The following MTHFD1 variants were observed in gnomAD, a reference collection of about 807,000 sequenced individuals.
MTHFD1 encodes the protein C-1-tetrahydrofolate synthase, cytoplasmic.
MTHFD1 carries 44 observed loss-of-function variants against 110.3 expected under a neutral mutation model. That is an observed-to-expected ratio of 0.40 (90% confidence interval 0.31 to 0.51). The LOEUF is 0.51. Ranked by LOEUF, MTHFD1 falls within the 20% of genes least tolerant of loss-of-function variation. MTHFD1 has a pLI of 0.60. For synonymous variants in MTHFD1, 402 were observed against 428.8 expected, an observed-to-expected ratio of 0.94 and a Z score of 0.77; for missense variants, 909 against 1,173.1, an observed-to-expected ratio of 0.77 and a Z score of 3.29.
intron 1 of MTHFD1, among the ~76,000 whole-genome samples, chr14:64,397,913 A>G (rs2077870181): frequency 6.6e-6 from 1 of 152,214 alleles, no homozygotes; most frequent in Admixed American, 6.5e-5. Context: ...AATATTTTAA[A>G]TTCAGCCATG....
intron 22 of MTHFD1, among the ~76,000 whole-genome samples, chr14:64,445,629 A>G (rs998691085): frequency 3.3e-5 from 5 of 152,270 alleles, no homozygotes; most frequent in East Asian, 1.9e-4. Flanking sequence ...GCTAGAAAAA[A>G]TTGCTGGTAC....
intron 24 of MTHFD1, among the ~76,000 whole-genome samples, chr14:64,452,513 G>A (rs961916576): frequency 6.6e-6 from 1 of 152,200 alleles, no homozygotes; most frequent in Non-Finnish European, 1.5e-5. Context: ...TTCTCTGAAG[G>A]CTTTGCCCCG....
intron 21 of MTHFD1, among the ~76,000 whole-genome samples, chr14:64,442,693 A>G (rs2078258314): frequency 6.6e-6 from 1 of 152,138 alleles, no homozygotes; most frequent in Non-Finnish European, 1.5e-5. Flanking sequence ...CCCCACAAAA[A>G]ACTGTTTTAC....
intron 3 of MTHFD1, among the ~76,000 whole-genome samples, chr14:64,412,259 TC>T (rs1161826427): frequency 1.3e-5 from 2 of 152,142 alleles, no homozygotes; most frequent in African/African-American, 4.8e-5. Flanking sequence ...ATTTCCTTTC[TC>T]AAGAAATAGC....
In MTHFD1 at chr14:64,388,557, G is replaced by A. The variant is rs2077781524; in HGVS notation, c.41+89G>A. The A allele has an allele frequency of 1.6e-5, 19 of 1,219,310 alleles. No homozygotes were observed. In the South Asian group the frequency reaches 2.2e-4, roughly 14 times the overall value. 75.5% of individuals were successfully genotyped at this position (1,219,310 alleles called of 1,614,324 possible). On this transcript the variant is annotated intron_variant, in intron 1 of 27. Transcript: ENST00000652337. ...CCCCCGGACCCATTTTTTGCGGGAGGGACACTTGTAGCGGAAGAGTTAGGC... is the reference window on the plus strand; with the variant it reads ...CCCCCGGACCCATTTTTTGCGGGAGAGACACTTGTAGCGGAAGAGTTAGGC...
At chr14:64,452,127 C>T (rs1167310125) in intron 24 of MTHFD1, among the ~76,000 whole-genome samples, 1 of 152,154 alleles carries the variant, frequency 6.6e-6, no homozygotes, top group Non-Finnish European at 1.5e-5. Context: ...GAAACTCCGT[C>T]TCTACTAAAA....
chr14:64,392,195 T>TA (rs2077811624), intron 1 of MTHFD1, among the ~76,000 whole-genome samples: 1 of 152,212 alleles, frequency 6.6e-6, no homozygotes, highest in Non-Finnish European at 1.5e-5. Flanking sequence ...GTTACTAACT[T>TA]ACTGCTTTGG....
Position 64,460,007 on chromosome 14 carries a change from C to A in MTHFD1, c.*253C>A. On this transcript the variant is annotated 3_prime_UTR_variant, in exon 28 of 28. Transcript: ENST00000652337. The stretch of plus-strand genomic sequence containing the variant: ...GAATAAAAGGAAACAAGTTTGCCAT[C>A]TTGGTGTTGCAATATGAATTACAGC... 1 of 1,273,868 alleles carries A rather than the reference C, an allele frequency of 7.9e-7. No individual in the cohort carries two copies. The highest frequency in any genetic ancestry group is 1.1e-6 in the Non-Finnish European group (1 of 924,592). The allele number at this position is 1,273,868 out of a possible 1,614,324, so 78.9% of individuals were successfully genotyped here.
In MTHFD1 at chr14:64,449,626, GGTGATTTGCT is replaced by G; in HGVS notation, c.2457+7_2457+16del. 6.2e-7 allele frequency: 1 copy of G among 1,613,928 alleles called. No homozygotes were observed. Among genetic ancestry groups the G allele is most frequent in the Non-Finnish European group, 8.5e-7 (1 of 1,179,984 alleles). On this transcript the variant is annotated splice_donor_5th_base_variant and intron_variant, in intron 24 of 27. Coordinates refer to ENST00000652337, the MANE Select transcript of MTHFD1 (RefSeq NM_005956.4). Reference sequence around the variant, plus strand: ...CCAGCTCCTTTATGACCTCAAGGTGGGTGATTTGCTGTCTGCAAAAAAAGAAAAAAGACGA... The same window carrying G: ...CCAGCTCCTTTATGACCTCAAGGTGGGTCTGCAAAAAAAGAAAAAAGACGA...
At chr14:64,426,326 A>C in intron 11 of MTHFD1, 134 bp downstream of exon 11, 54 of 992,782 alleles carry the variant, frequency 5.4e-5, no homozygotes, top group Non-Finnish European at 7.7e-5. Flanking sequence ...ATTTGATCTC[A>C]TTTGATCCTT....
At chr14:64,391,115 T>TA (rs2077800722) in intron 1 of MTHFD1, among the ~76,000 whole-genome samples, 2 of 152,214 alleles carry the variant, frequency 1.3e-5, no homozygotes, top group Non-Finnish European at 2.9e-5. Context: ...AACCAGCACT[T>TA]ACTACTTGCT....
intron 1 of MTHFD1, among the ~76,000 whole-genome samples, chr14:64,400,412 G>A (rs934474540): frequency 1.3e-5 from 2 of 151,970 alleles, no homozygotes; most frequent in Non-Finnish European, 2.9e-5. Context: ...AATACAGGCC[G>A]GGTGCAGTGG....
chr14:64,392,829 C>T (rs2077817480), intron 1 of MTHFD1, among the ~76,000 whole-genome samples: 1 of 152,084 alleles, frequency 6.6e-6, no homozygotes, highest in Non-Finnish European at 1.5e-5. Context: ...AGAAAGTACT[C>T]ATTGAATAAA....
chr14:64,431,546 C>A lies in MTHFD1; in HGVS notation c.1326C>A (p.Leu442=). Residue 442 remains leucine, a synonymous_variant, in exon 14 of 28, where the codon CTC becomes CTA. Transcript: ENST00000652337. ...VIPMEEFNLH[L]TGDIHAITAA... Reference sequence around the variant, plus strand: ...TTCTTTTGTAGTTTAATCTCCACCTCACAGGTGACATCCATGCCATCACTG... The same window carrying A: ...TTCTTTTGTAGTTTAATCTCCACCTAACAGGTGACATCCATGCCATCACTG... 6.2e-7 allele frequency: 1 copy of A among 1,613,936 alleles called. No individual in the cohort carries two copies. Among genetic ancestry groups the A allele is most frequent in the Non-Finnish European group, 8.5e-7 (1 of 1,179,866 alleles).
chr14:64,441,464 T>C lies in MTHFD1; in HGVS notation c.1884+11T>C, dbSNP rs1223411580. ...ATGCAGACACTGGAGGTGAGCAGAGTGACTCCTGCCTTCTTGAATTGGTTT... is the reference window on the plus strand; with the variant it reads ...ATGCAGACACTGGAGGTGAGCAGAGCGACTCCTGCCTTCTTGAATTGGTTT... On this transcript the variant is annotated intron_variant, in intron 19 of 27. Transcript: ENST00000652337. 1 of 1,613,550 alleles carries C rather than the reference T, an allele frequency of 6.2e-7. No homozygotes were observed. Among genetic ancestry groups the C allele is most frequent in the Non-Finnish European group, 8.5e-7 (1 of 1,179,592 alleles).
intron 1 of MTHFD1, among the ~76,000 whole-genome samples, chr14:64,393,343 G>A (rs1398312807): frequency 6.6e-6 from 1 of 151,746 alleles, no homozygotes; most frequent in Non-Finnish European, 1.5e-5. Context: ...AGGTTGCAGT[G>A]AGCCAGTGAG....
rs778628949 is a variant in MTHFD1 at position 64,430,267 on chromosome 14, C to CT, written c.1311+44dup. On this transcript the variant is annotated intron_variant, in intron 13 of 27. Transcript: ENST00000652337. Reference sequence around the variant, plus strand: ...TGGGATTTGGCTGAATTAGATCCCCCTTTTTTTGTCGGGGGGGAGGGTGCT... The same window carrying CT: ...TGGGATTTGGCTGAATTAGATCCCCCTTTTTTTTGTCGGGGGGGAGGGTGCT... 28 of 1,593,902 alleles carry CT rather than the reference C, an allele frequency of 1.8e-5. No homozygotes were observed. The East Asian group carries it at 3.8e-4, about 22-fold the overall frequency.
intron 1 of MTHFD1, among the ~76,000 whole-genome samples, chr14:64,398,450 A>C (rs535997695): frequency 6.6e-6 from 1 of 152,098 alleles, no homozygotes; most frequent in Non-Finnish European, 1.5e-5. Flanking sequence ...GGGAGGCTGA[A>C]GTGGGAGGAT....
chr14:64,412,402 T>A, intron 3 of MTHFD1, 70 bp from the exon 4 acceptor site: 2 of 1,130,530 alleles, frequency 1.8e-6, no homozygotes, highest in South Asian at 1.2e-5. Context: ...GTTAGTCATG[T>A]CTGTAAAAGA....
Sources: gnomAD v4.1 joint callset for allele counts (sites outside exome capture counted in the v4.1 genomes callset) on GRCh38, gnomAD v4.1.1 for gene constraint, MANE v1.5 for transcripts, NCBI Gene and HGNC (gene_info 2026-07-23, HGNC 2026-07-21) for gene names.